Variants in ASPRV1 observed in about 807,000 individuals in gnomAD.
The protein encoded by ASPRV1 is retroviral-like aspartic protease 1.
Under a neutral mutation model 11.0 loss-of-function variants are expected in ASPRV1, and 7 were observed. That is an observed-to-expected ratio of 0.64 (90% CI 0.36 to 1.20). The LOEUF is 1.20. Among genes scored for constraint, ASPRV1 ranks in the 50% most tolerant of loss-of-function variants. The pLI is 0.02. For missense variants in ASPRV1, 299 were observed against 320.0 expected, an observed-to-expected ratio of 0.93 and a Z score of 0.50; for synonymous variants, 136 against 138.4, an observed-to-expected ratio of 0.98 and a Z score of 0.12.
chr2:69,960,868 A>T lies in ASPRV1; in HGVS notation c.569T>A (p.Val190Glu). The part of the protein sequence containing the change: ...GKLKLKAQFL[V>E]ANASAEEAII... Reference sequence around the variant, plus strand: ...GGCTTCCTCGGCACTCGCATTGGCCACTAGGAACTGTGCCTTCAGCTTCAG... The same window carrying T: ...GGCTTCCTCGGCACTCGCATTGGCCTCTAGGAACTGTGCCTTCAGCTTCAG... The change falls in exon 1 of 1, where the codon GTG becomes GAG. Residue 190 changes from valine to glutamate, a missense_variant. Val to Glu is a moderately radical substitution (Grantham distance 121, BLOSUM62 -2). Coordinates refer to ENST00000320256, the MANE Select transcript of ASPRV1 (RefSeq NM_152792.4). 6.2e-7 allele frequency: 1 copy of T among 1,614,140 alleles called. No individual in the cohort carries two copies. The highest frequency in any genetic ancestry group is 8.5e-7 in the Non-Finnish European group (1 of 1,180,028).
the ASPRV1 span, among the ~76,000 whole-genome samples, chr2:70,008,443 G>A: frequency 2.0e-5 from 3 of 152,188 alleles, no homozygotes; most frequent in South Asian, 2.1e-4. Flanking sequence ...TGAGGCTGCC[G>A]ATGAAGTCAG....
chr2:70,087,013 C>A, the ASPRV1 span: 1 of 152,104 alleles, frequency 6.6e-6, no homozygotes, highest in South Asian at 2.0e-4. Context: ...CCCCTCCCCC[C>A]CGGAAGAGGG....
At chr2:69,936,953 A>T in the ASPRV1 span, 1 of 555,358 alleles carries the variant, frequency 1.8e-6, no homozygotes, top group Admixed American at 2.2e-5. Context: ...AGTCTTTCTG[A>T]TACTAAAACT....
the ASPRV1 span, among the ~76,000 whole-genome samples, chr2:70,078,471 A>G: frequency 1.2e-4 from 18 of 152,348 alleles, 1 homozygote; most frequent in South Asian, 3.7e-3. Context: ...GATAGCTTTT[A>G]TTTTAAACAA....
chr2:70,084,584 G>C, the ASPRV1 span, among the ~76,000 whole-genome samples: 1 of 152,192 alleles, frequency 6.6e-6, no homozygotes, highest in African/African-American at 2.4e-5. Context: ...TGTATAAGCG[G>C]TCACAACTTA....
At chr2:69,943,341 T>C in the ASPRV1 span, among the ~76,000 whole-genome samples, 2 of 151,702 alleles carry the variant, frequency 1.3e-5, no homozygotes, top group South Asian at 2.1e-4. Context: ...GTGTAATTAG[T>C]TGTGGAATAA....
At chr2:70,036,403 G>C in the ASPRV1 span, among the ~76,000 whole-genome samples, 1 of 151,820 alleles carries the variant, frequency 6.6e-6, no homozygotes, top group African/African-American at 2.4e-5. Flanking sequence ...GGCAATACAA[G>C]TATGAAATAA....
chr2:69,981,911 A>C, the ASPRV1 span, among the ~76,000 whole-genome samples: 1 of 152,050 alleles, frequency 6.6e-6, no homozygotes, highest in Non-Finnish European at 1.5e-5. Context: ...GTTGCCTGTA[A>C]CCCCAGAGCC....
chr2:70,043,039 T>C, the ASPRV1 span, among the ~76,000 whole-genome samples: 2 of 152,134 alleles, frequency 1.3e-5, no homozygotes, highest in South Asian at 2.1e-4. Context: ...AAATATGCCC[T>C]TGGGGGAGAA....
the ASPRV1 span, among the ~76,000 whole-genome samples, chr2:69,949,427 A>G: frequency 6.6e-6 from 1 of 152,190 alleles, no homozygotes; most frequent in African/African-American, 2.4e-5. Context: ...GGTTTTTACT[A>G]ATCACTGGCC....
the ASPRV1 span, among the ~76,000 whole-genome samples, chr2:69,982,575 A>G: frequency 6.6e-6 from 1 of 152,212 alleles, no homozygotes; most frequent in Non-Finnish European, 1.5e-5. Context: ...CAGCTGTACT[A>G]AAGAAAAAAA....
upstream of ASPRV1, chr2:69,963,226 T>C: frequency 2.2e-6 from 1 of 454,460 alleles, no homozygotes; most frequent in South Asian, 1.6e-5. Context: ...CTGGCTAAGG[T>C]GGGGCCATTG....
At chr2:69,967,767 AT>A in the ASPRV1 span, among the ~76,000 whole-genome samples, 1 of 152,158 alleles carries the variant, frequency 6.6e-6, no homozygotes, top group Non-Finnish European at 1.5e-5. Flanking sequence ...TGTTCTTGCC[AT>A]TTTCTGTAAG....
At chr2:70,071,214 C>G in the ASPRV1 span, among the ~76,000 whole-genome samples, 1 of 152,174 alleles carries the variant, frequency 6.6e-6, no homozygotes, top group Non-Finnish European at 1.5e-5. Flanking sequence ...GAAAGGAAAG[C>G]ATACTCACCT....
At chr2:70,087,041 C>G in the ASPRV1 span, 1 of 151,868 alleles carries the variant, frequency 6.6e-6, no homozygotes, top group African/African-American at 2.4e-5. Flanking sequence ...CCCTCCCATC[C>G]CCCCACACCC....
At chr2:70,004,133 G>A in the ASPRV1 span, among the ~76,000 whole-genome samples, 1 of 152,170 alleles carries the variant, frequency 6.6e-6, no homozygotes. Flanking sequence ...GGTTGGCCAA[G>A]GCTCCAATTC....
the ASPRV1 span, chr2:69,937,387 C>T: frequency 5.5e-4 from 888 of 1,605,642 alleles, 15 homozygotes; most frequent in East Asian, 0.014. Context: ...GCTCCGACTC[C>T]GACAGGGGTG....
the ASPRV1 span, among the ~76,000 whole-genome samples, chr2:69,996,172 G>C: frequency 8.1e-6 from 1 of 123,146 alleles, no homozygotes; most frequent in Non-Finnish European, 1.6e-5. Flanking sequence ...GAGCCCAGGA[G>C]TTTGAGACCA....
chr2:70,060,096 CTT>C, the ASPRV1 span: 1 of 152,034 alleles, frequency 6.6e-6, no homozygotes. Flanking sequence ...AATCCCAGCA[CTT>C]TGAGAGACCG....
Sources: allele counts gnomAD v4.1 joint callset (sites outside exome capture counted in the v4.1 genomes callset), GRCh38; gene constraint gnomAD v4.1.1; transcripts MANE v1.5; gene names NCBI Gene and HGNC (gene_info 2026-07-23, HGNC 2026-07-21).